The following NCAM2 variants were observed in gnomAD, a reference collection of about 807,000 sequenced individuals.
NCAM2 encodes neural cell adhesion molecule 2.
A neutral mutation model predicts 98.1 loss-of-function variants in NCAM2; 30 were observed. That is an observed-to-expected ratio of 0.31 (90% CI 0.23 to 0.41). NCAM2 has a LOEUF of 0.41. NCAM2 is among the 10% of genes least tolerant of loss of function. The pLI is 1.00. For synonymous variants in NCAM2, 368 were observed against 342.4 expected (o/e 1.07, Z -0.83); for missense variants, 867 against 1,005.8 (o/e 0.86, Z 1.87).
intron 1 of NCAM2, among the ~76,000 whole-genome samples, chr21:21,003,610 G>T (rs953971147): frequency 1.3e-5 from 2 of 151,996 alleles, no homozygotes; most frequent in African/African-American, 2.4e-5. Flanking sequence ...GCTAGGCTTT[G>T]TTTATATTTT....
intron 5 of NCAM2, among the ~76,000 whole-genome samples, chr21:21,299,442 A>G (rs551475358): frequency 6.6e-6 from 1 of 152,038 alleles, no homozygotes; most frequent in East Asian, 1.9e-4. Flanking sequence ...CCACTCAGTT[A>G]TAAGTAAAAC....
intron 1 of NCAM2, among the ~76,000 whole-genome samples, chr21:21,238,896 T>TCAATCAC (rs1187400275): frequency 1.3e-5 from 2 of 152,176 alleles, no homozygotes; most frequent in Non-Finnish European, 2.9e-5. Flanking sequence ...TCACATGGCG[T>TCAATCAC]AATCTTCTCA....
At chr21:21,098,915 C>A (rs2066180954) in intron 1 of NCAM2, among the ~76,000 whole-genome samples, 1 of 151,742 alleles carries the variant, frequency 6.6e-6, no homozygotes, top group Non-Finnish European at 1.5e-5. Context: ...ATTTTCCTGC[C>A]TGAAATGGCC....
chr21:21,051,010 A>T (rs8134360), intron 1 of NCAM2, among the ~76,000 whole-genome samples: 1 of 152,158 alleles, frequency 6.6e-6, no homozygotes, highest in Non-Finnish European at 1.5e-5. Context: ...TCTGGACCCA[A>T]TGCCACTTGG....
intron 1 of NCAM2, among the ~76,000 whole-genome samples, chr21:21,139,469 A>T (rs2067123925): frequency 6.6e-6 from 1 of 152,242 alleles, no homozygotes; most frequent in South Asian, 2.1e-4. Context: ...ATTAAGCACG[A>T]CTTTTCACAA....
intron 1 of NCAM2, among the ~76,000 whole-genome samples, chr21:21,038,610 G>A (rs1292903790): frequency 1.3e-5 from 2 of 152,212 alleles, no homozygotes; most frequent in African/African-American, 4.8e-5. Context: ...GAAGAAGGAT[G>A]TGTTTGCTTC....
At chr21:21,502,933 TAAATA>T (rs1259550961) in intron 15 of NCAM2, among the ~76,000 whole-genome samples, 2 of 151,982 alleles carry the variant, frequency 1.3e-5, no homozygotes, top group Non-Finnish European at 2.9e-5. Context: ...AGAAAAAAGT[TAAATA>T]AAACATTGAA....
chr21:21,423,419 T>C (rs2077153015), intron 11 of NCAM2, among the ~76,000 whole-genome samples: 1 of 152,222 alleles, frequency 6.6e-6, no homozygotes, highest in Admixed American at 6.5e-5. Flanking sequence ...ATAGTTCATA[T>C]TGGTCACTTT....
chr21:21,315,362 G>A (rs751412433), intron 5 of NCAM2, among the ~76,000 whole-genome samples: 3 of 152,140 alleles, frequency 2.0e-5, no homozygotes, highest in African/African-American at 7.2e-5. Flanking sequence ...CCTACTCTAT[G>A]ATCTCTGACA....
chr21:21,406,704 A>G (rs1177272437), intron 9 of NCAM2, among the ~76,000 whole-genome samples: 2 of 152,178 alleles, frequency 1.3e-5, no homozygotes, highest in East Asian at 1.9e-4. Context: ...AATTCTTCCA[A>G]TAAAGTCACT....
chr21:21,468,142 A>G (rs552963624), intron 13 of NCAM2, among the ~76,000 whole-genome samples: 1 of 152,122 alleles, frequency 6.6e-6, no homozygotes, highest in East Asian at 1.9e-4. Context: ...ACACAGGTCT[A>G]TAAAATTGGA....
At chr21:21,358,496 A>G (rs1445264548) in intron 8 of NCAM2, among the ~76,000 whole-genome samples, 1 of 152,058 alleles carries the variant, frequency 6.6e-6, no homozygotes, top group African/African-American at 2.4e-5. Context: ...AACATACAAA[A>G]ATACACGCAC....
At chr21:21,447,770 G>T (rs946282346) in intron 12 of NCAM2, among the ~76,000 whole-genome samples, 6 of 152,082 alleles carry the variant, frequency 3.9e-5, no homozygotes, top group Non-Finnish European at 8.8e-5. Context: ...AGACATTTAC[G>T]TGGACAACCA....
At position 21,339,898 on chromosome 21, in the gene NCAM2, GT is replaced by G. The variant is rs1289641127; in HGVS notation, c.1044+1365del. 3.3e-5 allele frequency among the ~76,000 whole-genome samples: 5 copies of G among 151,228 alleles called. No individual in the cohort carries two copies. The South Asian group carries it at 6.3e-4, about 19-fold the overall frequency. ...CATTTTAAGAGATTATTTGATAATT[GT>G]ACTATTTTGATATACTTATTTTATA... On this transcript the variant is annotated intron_variant, in intron 8 of 17. Transcript: ENST00000400546.
intron 5 of NCAM2, among the ~76,000 whole-genome samples, chr21:21,295,967 T>A (rs1158388440): frequency 1.3e-5 from 2 of 151,882 alleles, no homozygotes; most frequent in Admixed American, 1.3e-4. Context: ...GACAAATTTT[T>A]GTCACCTTAT....
At chr21:21,336,090 A>G (rs1251170953) in intron 7 of NCAM2, among the ~76,000 whole-genome samples, 1 of 152,158 alleles carries the variant, frequency 6.6e-6, no homozygotes, top group Non-Finnish European at 1.5e-5. Context: ...CTAAATGAAA[A>G]TATAAGATAA....
chr21:21,175,400 G>A (rs1271270751), intron 1 of NCAM2, among the ~76,000 whole-genome samples: 1 of 152,144 alleles, frequency 6.6e-6, no homozygotes, highest in Non-Finnish European at 1.5e-5. Flanking sequence ...GGGCATGGTG[G>A]CATGCACCTG....
At chr21:21,195,107 A>G (rs1328633328) in intron 1 of NCAM2, among the ~76,000 whole-genome samples, 1 of 152,178 alleles carries the variant, frequency 6.6e-6, no homozygotes, top group Non-Finnish European at 1.5e-5. Flanking sequence ...TGTTACAGCA[A>G]CCACTGAGGA....
At chr21:21,180,662 T>C (rs2068439369) in intron 1 of NCAM2, among the ~76,000 whole-genome samples, 1 of 152,044 alleles carries the variant, frequency 6.6e-6, no homozygotes, top group Non-Finnish European at 1.5e-5. Context: ...TAAAGATTAG[T>C]TTTTTATCTA....
Sources: gnomAD v4.1 joint callset for allele counts (sites outside exome capture counted in the v4.1 genomes callset) on GRCh38, gnomAD v4.1.1 for gene constraint, MANE v1.5 for transcripts, NCBI Gene and HGNC (gene_info 2026-07-23, HGNC 2026-07-21) for gene names.